The following OPN3 variants were observed in gnomAD, a reference collection of about 807,000 sequenced individuals.
The protein encoded by OPN3 is opsin-3.
OPN3 carries 29 observed loss-of-function variants against 33.8 expected under a neutral mutation model. That is an observed-to-expected ratio of 0.86 (90% confidence interval 0.64 to 1.17). The LOEUF is 1.17. Ranked by LOEUF, OPN3 falls within the 50% of genes most tolerant of loss-of-function variation. The probability of loss-of-function intolerance (pLI) is 0.00; values close to 1 mark genes in which losing one functional copy is unlikely to be tolerated. For missense variants in OPN3, 437 were observed against 514.1 expected (o/e 0.85, Z 1.45); for synonymous variants, 216 against 216.1 (o/e 1.00, Z 0.00).
chr1:241,609,088 A>T (rs529954059), intron 1 of OPN3, among the ~76,000 whole-genome samples: 1 of 152,348 alleles, frequency 6.6e-6, no homozygotes, highest in Non-Finnish European at 1.5e-5. Flanking sequence ...CCTTTAACTG[A>T]TGTTGAGCCT....
chr1:241,618,026 TA>T (rs990186599), intron 1 of OPN3, among the ~76,000 whole-genome samples: 2 of 151,278 alleles, frequency 1.3e-5, no homozygotes, highest in African/African-American at 4.9e-5. Context: ...TAAATAAAAA[TA>T]AAAAAAAGAA....
chr1:241,595,264 G>C (rs3193688), intron 3 of OPN3: 19,655 of 152,170 alleles, frequency 0.13, 1,570 homozygotes, highest in East Asian at 0.22. Flanking sequence ...GTACAACATC[G>C]AATAATATTT....
intron 2 of OPN3, among the ~76,000 whole-genome samples, chr1:241,603,246 A>T (rs1663725519): frequency 6.6e-6 from 1 of 152,206 alleles, no homozygotes; most frequent in South Asian, 2.1e-4. Context: ...TTGTGTAAAG[A>T]GAGGTAAGGA....
intron 2 of OPN3, chr1:241,600,939 G>A (rs1663661983): frequency 6.6e-6 from 1 of 152,134 alleles, no homozygotes; most frequent in African/African-American, 2.4e-5. Flanking sequence ...GGTAAACAGG[G>A]AGGATATGGT....
chr1:241,616,256 T>C (rs1280297018), intron 1 of OPN3, among the ~76,000 whole-genome samples: 1 of 152,192 alleles, frequency 6.6e-6, no homozygotes, highest in African/African-American at 2.4e-5. Context: ...AGGCTTTATA[T>C]GCGGGGAACG....
intron 1 of OPN3, chr1:241,631,440 A>G (rs1432073575): frequency 1.3e-5 from 2 of 152,000 alleles, no homozygotes; most frequent in Non-Finnish European, 2.9e-5. Flanking sequence ...TTATAGGTCT[A>G]TTTCAAGTAT....
intron 1 of OPN3, among the ~76,000 whole-genome samples, chr1:241,621,760 G>C (rs1199168316): frequency 1.3e-5 from 2 of 152,130 alleles, no homozygotes; most frequent in East Asian, 3.8e-4. Flanking sequence ...GATTGGAACA[G>C]ATCAATAAGT....
chr1:241,604,237 G>T lies in OPN3; in HGVS notation c.693+23C>A, dbSNP rs545967068. 8 of 1,597,096 alleles carry T rather than the reference G, an allele frequency of 5.0e-6. No individual in the cohort carries two copies. The African/African-American group carries it at 8.0e-5, about 16-fold the overall frequency. On this transcript the variant is annotated intron_variant, in intron 2 of 3. Coordinates refer to ENST00000366554, the MANE Select transcript of OPN3 (RefSeq NM_014322.3). ...TACCCTGGATGTGGTTTGGGAGGGG[G>T]GCATCTGTAGTCTTCAACTCACCAT... is the stretch of plus-strand genomic sequence containing the variant.
intron 1 of OPN3, chr1:241,633,710 T>C: frequency 1.4e-6 from 2 of 1,393,782 alleles, no homozygotes. Context: ...CCACTTCTAA[T>C]TACTCATATG....
At chr1:241,597,694 A>G in intron 3 of OPN3, 52 bp downstream of exon 3, 2 of 1,578,484 alleles carry the variant, frequency 1.3e-6, no homozygotes, top group Non-Finnish European at 1.7e-6. Context: ...TTACACTGTC[A>G]TTTCCAACTC....
chr1:241,609,954 T>C (rs780077526), intron 1 of OPN3, among the ~76,000 whole-genome samples: 75 of 152,230 alleles, frequency 4.9e-4, no homozygotes, highest in Non-Finnish European at 9.0e-4. Context: ...TTTTCCCTAA[T>C]AGAATTTTGA....
rs1165439932 is a variant in OPN3, at chr1:241,604,504, T to C, written c.449A>G (p.Asn150Ser). The C allele has an allele frequency of 6.2e-7, 1 of 1,613,946 alleles. No individual in the cohort carries two copies. Among genetic ancestry groups the C allele is most frequent in the East Asian group, 2.2e-5 (1 of 44,834 alleles). Residue 150 changes from asparagine (N) to serine (S), a missense_variant, in exon 2 of 4, where the codon AAT becomes AGT. Asn to Ser is a conservative substitution (Grantham distance 46). Coordinates refer to ENST00000366554, the MANE Select transcript of OPN3 (RefSeq NM_014322.3). ...AATGGCCCTCCAGGCCCAGGAAAAA[T>C]TGATCACTCTGGCATGGACCACGCG... ...YIRVVHARVI[N>S]FSWAWRAITY...
In OPN3 at chr1:241,599,553, A is replaced by G. The variant is rs183736540; in HGVS notation, c.694-1556T>C. Among the ~76,000 whole-genome samples, 411 of 152,208 alleles carry G rather than the reference A, an allele frequency of 2.7e-3. 7 individuals are homozygous for G. Among genetic ancestry groups the G allele is most frequent in the Admixed American group, 0.018 (269 of 15,296 alleles). On this transcript the variant is annotated intron_variant, in intron 2 of 3. Transcript: ENST00000366554. ...ACTTTTGCACCAACCGAATACTACT[A>G]TTCTGTGTGTGCAATTCTATTTTAA...
In OPN3 at chr1:241,635,874, G is replaced by T. The variant is rs1357376764; in HGVS notation, c.373+4008C>A. On this transcript the variant is annotated intron_variant, in intron 1 of 3. Coordinates refer to ENST00000366554, the MANE Select transcript of OPN3 (RefSeq NM_014322.3). ...ATGTTCCAGTTATCCCAGAAGCACTGAAGTTGCAGGTCCTAGCTGTTTAAC... is the reference window on the plus strand; with the variant it reads ...ATGTTCCAGTTATCCCAGAAGCACTTAAGTTGCAGGTCCTAGCTGTTTAAC... 2.7e-6 allele frequency: 3 copies of T among 1,101,874 alleles called. No homozygotes were observed. In the African/African-American group the frequency reaches 4.7e-5, roughly 17 times the overall value. 68.3% of individuals were successfully genotyped at this position (1,101,874 alleles called of 1,614,324 possible). A position where few individuals can be genotyped will look rare whatever the true frequency, so the allele number is the denominator to read the frequency against.
chr1:241,640,282 G>C lies in OPN3; in HGVS notation c.-28C>G. 8.6e-7 allele frequency: 1 copy of C among 1,164,618 alleles called. No homozygotes were observed. Among genetic ancestry groups the C allele is most frequent in the Non-Finnish European group, 1.1e-6 (1 of 947,482 alleles). 72.1% of individuals were successfully genotyped at this position (1,164,618 alleles called of 1,614,324 possible). A position where few individuals can be genotyped will look rare whatever the true frequency, so the allele number is the denominator to read the frequency against. ...CCCGGCGCCGGCGCGCCTGGCGGGC[G>C]GAGGCGCTCAGCTTGCGGCGGGGCT... On this transcript the variant is annotated 5_prime_UTR_variant, in exon 1 of 4. Coordinates refer to ENST00000366554, the MANE Select transcript of OPN3 (RefSeq NM_014322.3).
At chr1:241,624,464 T>C (rs977937960) in intron 1 of OPN3, among the ~76,000 whole-genome samples, 4 of 152,196 alleles carry the variant, frequency 2.6e-5, no homozygotes, top group African/African-American at 9.6e-5. Flanking sequence ...ACCTTTTCTT[T>C]TTTGAAGCAT....
chr1:241,640,271 G>T lies in OPN3; in HGVS notation c.-17C>A, dbSNP rs1375353604. 6 of 1,181,738 alleles carry T rather than the reference G, an allele frequency of 5.1e-6. No homozygotes were observed. The East Asian group carries it at 2.3e-4, about 45-fold the overall frequency. 73.2% of individuals were successfully genotyped at this position (1,181,738 alleles called of 1,614,324 possible). ...CGAGTACATGGCCCGGCGCCGGCGC[G>T]CCTGGCGGGCGGAGGCGCTCAGCTT... On this transcript the variant is annotated 5_prime_UTR_variant, in exon 1 of 4. Transcript: ENST00000366554.
intron 1 of OPN3, among the ~76,000 whole-genome samples, chr1:241,613,310 C>T (rs553753407): frequency 5.9e-5 from 9 of 152,258 alleles, no homozygotes; most frequent in South Asian, 2.1e-4. Flanking sequence ...TTACGATTCC[C>T]ATTTTACAGA....
In OPN3 at chr1:241,637,720, C is replaced by T. The variant is rs1017694936; in HGVS notation, c.373+2162G>A. On this transcript the variant is annotated intron_variant, in intron 1 of 3. Transcript: ENST00000366554. ...TTACAGAGCATTAAGCTGAATTACC[C>T]AATAATAGAGATGAGAGAACTGATA... is the stretch of plus-strand genomic sequence containing the variant. Among the ~76,000 whole-genome samples, 46 of 152,154 alleles carry T rather than the reference C, an allele frequency of 3.0e-4. 1 individual carries two copies. Among genetic ancestry groups the T allele is most frequent in the Non-Finnish European group, 3.5e-4 (24 of 68,008 alleles).
Sources: gnomAD v4.1 joint callset for allele counts (sites outside exome capture counted in the v4.1 genomes callset) on GRCh38, gnomAD v4.1.1 for gene constraint, MANE v1.5 for transcripts, NCBI Gene and HGNC (gene_info 2026-07-23, HGNC 2026-07-21) for gene names.